ECM2: variants seen among roughly 807,000 people sequenced by gnomAD.
ECM2 encodes extracellular matrix protein 2, female organ and adipocyte specific.
In ECM2, 57 loss-of-function variants were observed where a neutral mutation model predicts 67.5. The ratio of observed to expected loss-of-function variants is 0.84; its 90% CI spans 0.68 to 1.05. The LOEUF is 1.05. Among genes scored for constraint, ECM2 ranks in the 50% least tolerant of loss-of-function variants. ECM2 has a pLI of 0.00. For synonymous variants in ECM2, 258 were observed against 294.5 expected (o/e 0.88, Z 1.27); for missense variants, 741 against 822.8 (o/e 0.90, Z 1.22).
intron 5 of ECM2, among the ~76,000 whole-genome samples, chr9:92,511,597 G>T (rs540998119): frequency 2.0e-5 from 3 of 151,942 alleles, no homozygotes; most frequent in Admixed American, 6.6e-5. Context: ...TCCTCCATCA[G>T]GTTTTGTTGA....
chr9:92,542,190 G>A, the ECM2 span, among the ~76,000 whole-genome samples: 1 of 152,150 alleles, frequency 6.6e-6, no homozygotes, highest in Non-Finnish European at 1.5e-5. Context: ...TTCTATAATG[G>A]CTCCTTTCTT....
At chr9:92,517,983 G>T in intron 2 of ECM2, 108 bp from the exon 3 acceptor site, 1 of 1,283,734 alleles carries the variant, frequency 7.8e-7, no homozygotes, top group Non-Finnish European at 1.1e-6. Flanking sequence ...CACAAGAATA[G>T]AATTCTATGT....
upstream of ECM2, chr9:92,536,067 A>G: frequency 2.0e-6 from 1 of 493,526 alleles, no homozygotes; most frequent in Admixed American, 2.2e-5. Context: ...TGAACTTCTT[A>G]GTAAAATCTA....
chr9:92,558,740 A>C, the ECM2 span, among the ~76,000 whole-genome samples: 2 of 152,022 alleles, frequency 1.3e-5, no homozygotes, highest in Admixed American at 1.3e-4. Context: ...ACCAGGGTGG[A>C]TAGGAAAGGA....
intron 1 of ECM2, among the ~76,000 whole-genome samples, chr9:92,533,204 G>A (rs1419519556): frequency 1.4e-5 from 2 of 147,146 alleles, no homozygotes; most frequent in African/African-American, 5.0e-5. Flanking sequence ...GGAAGCTGAG[G>A]CAGGAGAATC....
At chr9:92,496,567 ATT>A in intron 9 of ECM2, 84 bp from the exon 10 acceptor site, 1 of 1,527,180 alleles carries the variant, frequency 6.5e-7, no homozygotes, top group Non-Finnish European at 8.7e-7. Flanking sequence ...TGTTAAAAAA[ATT>A]TTGTTCTTAA....
At chr9:92,545,307 C>G in the ECM2 span, among the ~76,000 whole-genome samples, 1 of 152,126 alleles carries the variant, frequency 6.6e-6, no homozygotes, top group African/African-American at 2.4e-5. Flanking sequence ...CTGCGTGTGG[C>G]ACTTGCAGGC....
chr9:92,514,542 T>G, intron 4 of ECM2, 89 bp downstream of exon 4: 60 of 1,470,732 alleles, frequency 4.1e-5, no homozygotes, highest in Non-Finnish European at 4.8e-5. Context: ...TTCAAAGTGC[T>G]GAGATTATAG....
chr9:92,539,602 G>A (rs555033908), upstream of ECM2, among the ~76,000 whole-genome samples: 1 of 152,066 alleles, frequency 6.6e-6, no homozygotes, highest in Admixed American at 6.5e-5. Context: ...CTAAATTTCT[G>A]GAAGATAAGC....
Position 92,515,082 on chromosome 9 carries a change from T to G in ECM2, c.603A>C (p.Gly201=). The change falls in exon 4 of 10, where the codon GGA becomes GGC. Residue 201 remains glycine, a synonymous_variant. Coordinates refer to ENST00000344604, the MANE Select transcript of ECM2 (RefSeq NM_001393.4). ...LHKQLPPPQV[G]MDRIVRKEAL... is the part of the protein sequence containing the mutation. ...CTTCTTTTCTTACTATTCGGTCCAT[T>G]CCCACCTGAGGAGGTGGCAGTTGCT... 1 of 1,614,140 alleles carries G rather than the reference T, an allele frequency of 6.2e-7. No individual in the cohort carries two copies. The highest frequency in any genetic ancestry group is 2.2e-5 in the East Asian group (1 of 44,886).
chr9:92,535,781 AAAAC>A lies in ECM2; in HGVS notation c.-28+148_-28+151del, dbSNP rs1240690556. ...AATACTTGGGAAGTACATCGTGAAA[AAAAC>A]AAACAGAATAATGCATACTTTGAAC... On this transcript the variant is annotated intron_variant, in intron 1 of 9. Coordinates refer to ENST00000344604, the MANE Select transcript of ECM2 (RefSeq NM_001393.4). Among the ~76,000 whole-genome samples the A allele has an allele frequency of 3.3e-5, 5 of 152,322 alleles. No homozygotes were observed. The East Asian group carries it at 5.8e-4, about 18-fold the overall frequency.
chr9:92,532,595 C>G (rs1588244683), intron 1 of ECM2, among the ~76,000 whole-genome samples: 1 of 152,118 alleles, frequency 6.6e-6, no homozygotes, highest in Non-Finnish European at 1.5e-5. Flanking sequence ...CATTGATACT[C>G]TCTTCATCTG....
intron 9 of ECM2, 22 bp from the exon 10 acceptor site, chr9:92,496,505 A>G: frequency 6.2e-7 from 1 of 1,603,276 alleles, no homozygotes; most frequent in Non-Finnish European, 8.5e-7. Flanking sequence ...TAGACATGCA[A>G]GTCACACATG....
At chr9:92,495,169 TA>T, downstream of ECM2, 1 of 233,612 alleles carries the variant, frequency 4.3e-6, no homozygotes, top group Non-Finnish European at 7.0e-6. Flanking sequence ...AACTAAAGCT[TA>T]AAAAATTAGA....
At chr9:92,555,776 C>T in the ECM2 span, among the ~76,000 whole-genome samples, 1 of 152,170 alleles carries the variant, frequency 6.6e-6, no homozygotes, top group Non-Finnish European at 1.5e-5. Flanking sequence ...TGGATTTTCT[C>T]TCTTCTTTTC....
chr9:92,527,845 A>G, intron 1 of ECM2: 1 of 154,204 alleles, frequency 6.5e-6, no homozygotes, highest in South Asian at 2.0e-4. Flanking sequence ...TATTTTTTAC[A>G]TTCTGCATAC....
downstream of ECM2, chr9:92,494,009 G>A (rs1032543347): frequency 2.4e-5 from 36 of 1,481,664 alleles, no homozygotes; most frequent in African/African-American, 4.0e-4. Context: ...TGTGCTCGTC[G>A]CATTGTCACC....
At chr9:92,506,174 C>G (rs776225436) in intron 6 of ECM2, among the ~76,000 whole-genome samples, 1 of 152,194 alleles carries the variant, frequency 6.6e-6, no homozygotes, top group Non-Finnish European at 1.5e-5. Flanking sequence ...TGAATGATTT[C>G]TTTTTCTAGG....
intron 2 of ECM2, among the ~76,000 whole-genome samples, chr9:92,518,748 G>C (rs1487342082): frequency 1.3e-5 from 2 of 152,088 alleles, no homozygotes; most frequent in African/African-American, 4.8e-5. Context: ...AATTAGCCGA[G>C]TATGGTGGCA....
Sources: allele counts gnomAD v4.1 joint callset (sites outside exome capture counted in the v4.1 genomes callset), GRCh38; gene constraint gnomAD v4.1.1; transcripts MANE v1.5; gene names NCBI Gene and HGNC (gene_info 2026-07-23, HGNC 2026-07-21).